Variants in TDRD5 observed in about 807,000 individuals in gnomAD.
TDRD5 encodes the protein tudor domain-containing protein 5.
A neutral mutation model predicts 120.6 loss-of-function variants in TDRD5; 41 were observed. That is an observed-to-expected ratio of 0.34 (90% CI 0.26 to 0.44). TDRD5 has a LOEUF of 0.44. TDRD5 is among the 20% of genes least tolerant of loss of function. The pLI, the probability that TDRD5 is intolerant of heterozygous loss-of-function variation, is 1.00. For missense variants in TDRD5, 1,006 were observed against 1,221.2 expected (o/e 0.82, Z 2.63); for synonymous variants, 430 against 433.7 (o/e 0.99, Z 0.11).
rs114540508 is a variant in TDRD5 at position 179,637,526 on chromosome 1, C to T, written c.1520+1639C>T. Among the ~76,000 whole-genome samples, 334 of 152,148 alleles carry T rather than the reference C, an allele frequency of 2.2e-3. 6 individuals carry two copies. Among genetic ancestry groups the T allele is most frequent in the African/African-American group, 7.6e-3 (315 of 41,494 alleles). On this transcript the variant is annotated intron_variant, in intron 9 of 17. Coordinates refer to ENST00000444136, the MANE Select transcript of TDRD5 (RefSeq NM_001199085.3). ...CTTTGGGAAGCCAAGGTGGGAGGATCGCTTGAGCCCAGAAGTTCAAGATTC... is the reference window on the plus strand; with the variant it reads ...CTTTGGGAAGCCAAGGTGGGAGGATTGCTTGAGCCCAGAAGTTCAAGATTC...
At chr1:179,678,518 A>G (rs1167441813) in intron 17 of TDRD5, among the ~76,000 whole-genome samples, 2 of 152,188 alleles carry the variant, frequency 1.3e-5, no homozygotes, top group African/African-American at 4.8e-5. Flanking sequence ...TCCAGGCAGG[A>G]GCTATAGAGT....
intron 11 of TDRD5, among the ~76,000 whole-genome samples, chr1:179,641,958 T>G (rs1256742073): frequency 6.6e-6 from 1 of 152,202 alleles, no homozygotes; most frequent in East Asian, 1.9e-4. Flanking sequence ...TCCGATAAGT[T>G]TCTTTTTACT....
intron 7 of TDRD5, among the ~76,000 whole-genome samples, chr1:179,631,999 C>G (rs571022273): frequency 1.2e-4 from 18 of 151,632 alleles, no homozygotes; most frequent in Non-Finnish European, 2.1e-4. Flanking sequence ...CTCCGCCTCG[C>G]GGGTTCATGC....
chr1:179,642,127 G>T (rs1393171433), intron 11 of TDRD5, among the ~76,000 whole-genome samples: 1 of 149,030 alleles, frequency 6.7e-6, no homozygotes, highest in African/African-American at 2.5e-5. Flanking sequence ...TGGAGACGGA[G>T]TCTTCCTTCA....
Position 179,596,706 on chromosome 1 carries a change from T to C in TDRD5, c.831+888T>C, listed in dbSNP as rs542594231. On this transcript the variant is annotated intron_variant, in intron 4 of 17. Transcript: ENST00000444136. ...TATACAGATACACGTAAATTTGTTA[T>C]ACCTTCCCCATTAGATGACATTTGG... 2.0e-5 allele frequency among the ~76,000 whole-genome samples: 3 copies of C among 152,358 alleles called. No individual in the cohort carries two copies. In the South Asian group the frequency reaches 6.2e-4, roughly 32 times the overall value.
chr1:179,665,975 T>C (rs1318375250), intron 16 of TDRD5, among the ~76,000 whole-genome samples: 2 of 152,176 alleles, frequency 1.3e-5, no homozygotes, highest in African/African-American at 4.8e-5. Flanking sequence ...AACATGTTAG[T>C]GTACCTTCCG....
chr1:179,663,257 T>A, intron 15 of TDRD5, 91 bp from the exon 16 acceptor site: 1 of 1,400,028 alleles, frequency 7.1e-7, no homozygotes, highest in Non-Finnish European at 9.7e-7. Flanking sequence ...AAATATGTAT[T>A]GCTTTCTTGC....
intron 11 of TDRD5, among the ~76,000 whole-genome samples, chr1:179,645,766 A>G (rs1678324529): frequency 6.6e-6 from 1 of 152,186 alleles, no homozygotes; most frequent in East Asian, 1.9e-4. Flanking sequence ...ATTATTAGGT[A>G]CATATACAAT....
At chr1:179,669,762 C>T (rs1179224091) in intron 17 of TDRD5, among the ~76,000 whole-genome samples, 1 of 152,200 alleles carries the variant, frequency 6.6e-6, no homozygotes, top group South Asian at 2.1e-4. Flanking sequence ...CCTTGTGCCC[C>T]TTTGCAGTCA....
chr1:179,642,859 C>G (rs560515845), intron 11 of TDRD5, among the ~76,000 whole-genome samples: 136 of 152,184 alleles, frequency 8.9e-4, no homozygotes, highest in African/African-American at 3.2e-3. Flanking sequence ...TGCCCATTAG[C>G]AAAATCAGAA....
chr1:179,629,954 G>A (rs570589672), intron 6 of TDRD5, among the ~76,000 whole-genome samples: 10 of 151,222 alleles, frequency 6.6e-5, no homozygotes, highest in Non-Finnish European at 1.3e-4. Flanking sequence ...GAAATACACC[G>A]ATAGATAGCT....
chr1:179,656,137 A>C (rs1049725476), intron 14 of TDRD5, among the ~76,000 whole-genome samples: 1 of 152,204 alleles, frequency 6.6e-6, no homozygotes, highest in African/African-American at 2.4e-5. Flanking sequence ...AGCCATTTTA[A>C]TAGGTGTGTA....
intron 4 of TDRD5, among the ~76,000 whole-genome samples, chr1:179,598,730 T>C (rs1236073626): frequency 6.6e-6 from 1 of 152,026 alleles, no homozygotes; most frequent in African/African-American, 2.4e-5. Flanking sequence ...GTCATGGTAC[T>C]TGATAAACTC....
At chr1:179,640,221 T>C (rs1247138204) in intron 10 of TDRD5, among the ~76,000 whole-genome samples, 158 bp from the exon 11 acceptor site, 1 of 152,250 alleles carries the variant, frequency 6.6e-6, no homozygotes, top group Non-Finnish European at 1.5e-5. Flanking sequence ...AGATGGATTG[T>C]AACTCTTGTG....
chr1:179,661,456 G>T (rs1482487466), intron 14 of TDRD5, among the ~76,000 whole-genome samples: 1 of 151,606 alleles, frequency 6.6e-6, no homozygotes, highest in Non-Finnish European at 1.5e-5. Context: ...CTGTCTTCAA[G>T]TTCATGCATT....
intron 10 of TDRD5, 91 bp from the exon 11 acceptor site, chr1:179,640,288 T>C (rs1427664464): frequency 7.1e-7 from 1 of 1,416,844 alleles, no homozygotes. Flanking sequence ...TTTTAGTCTC[T>C]TATTAAGAAA....
At chr1:179,594,799 A>T (rs1675299042) in intron 3 of TDRD5, among the ~76,000 whole-genome samples, 2 of 152,256 alleles carry the variant, frequency 1.3e-5, no homozygotes, top group South Asian at 4.1e-4. Flanking sequence ...TTGGATAGGG[A>T]AGGCTCTGGA....
chr1:179,616,047 G>A (rs1308699875), intron 4 of TDRD5, among the ~76,000 whole-genome samples: 4 of 151,894 alleles, frequency 2.6e-5, no homozygotes, highest in Non-Finnish European at 5.9e-5. Context: ...ATTTTCACAT[G>A]TCACAAATAA....
rs1679732402 is a variant in TDRD5 at position 179,669,301 on chromosome 1, A to G, written c.2757A>G (p.Glu919=). 1 of 1,614,084 alleles carries G rather than the reference A, an allele frequency of 6.2e-7. No homozygotes were observed. The highest frequency in any genetic ancestry group is 2.2e-5 in the East Asian group (1 of 44,860). ...AGTCAGCAGACGGGAGCCAGTCTGA[A>G]CCCAACAACAGTCAGACTCAGCCAA... ...SEQSADGSQS[E]PNNSQTQPKQ... is the part of the protein sequence containing the mutation. The change falls in exon 17 of 18, where the codon GAA becomes GAG. Residue 919 remains glutamate (E), a synonymous_variant. Coordinates refer to ENST00000444136, the MANE Select transcript of TDRD5 (RefSeq NM_001199085.3).
Sources: allele counts gnomAD v4.1 joint callset (sites outside exome capture counted in the v4.1 genomes callset), GRCh38; gene constraint gnomAD v4.1.1; transcripts MANE v1.5; gene names NCBI Gene and HGNC (gene_info 2026-07-23, HGNC 2026-07-21).